The following ARHGAP18 variants were observed in gnomAD, a reference collection of about 807,000 sequenced individuals.
The protein encoded by ARHGAP18 is Rho GTPase activating protein 18, also known as rho GTPase-activating protein 18.
In ARHGAP18, 67 loss-of-function variants were observed where a neutral mutation model predicts 86.2. The observed-to-expected ratio is 0.78, with a 90% CI of 0.64 to 0.95. ARHGAP18 has a LOEUF of 0.95. Ranked by LOEUF, ARHGAP18 falls within the 40% of genes least tolerant of loss-of-function variation. ARHGAP18 has a pLI of 0.00. For synonymous variants in ARHGAP18, 283 were observed against 280.4 expected, an observed-to-expected ratio of 1.01 and a Z score of -0.09; for missense variants, 691 against 780.4, an observed-to-expected ratio of 0.89 and a Z score of 1.37.
chr6:129,650,914 T>G (rs545264275), intron 1 of ARHGAP18, among the ~76,000 whole-genome samples: 81 of 152,314 alleles, frequency 5.3e-4, no homozygotes, highest in African/African-American at 1.9e-3. Context: ...TAAGCTTGCT[T>G]CTGCAGCCTC....
At chr6:129,578,680 T>A in intron 14 of ARHGAP18, 76 bp from the exon 15 acceptor site, 1 of 1,231,140 alleles carries the variant, frequency 8.1e-7, no homozygotes, top group South Asian at 1.3e-5. Flanking sequence ...GCTTAATTAT[T>A]TAACTCTTAA....
At chr6:129,657,311 G>T (rs1292285620) in intron 1 of ARHGAP18, among the ~76,000 whole-genome samples, 2 of 151,808 alleles carry the variant, frequency 1.3e-5, no homozygotes, top group African/African-American at 2.4e-5. Context: ...AATAAAAGGG[G>T]ATAGTAACTA....
chr6:129,586,432 T>G (rs1009002133), intron 12 of ARHGAP18, among the ~76,000 whole-genome samples: 7 of 152,150 alleles, frequency 4.6e-5, no homozygotes, highest in Admixed American at 4.6e-4. Flanking sequence ...TATTATTTAC[T>G]ATTGTGGAGG....
Position 129,607,879 on chromosome 6 carries a change from G to A in ARHGAP18, c.1282+14C>T. 6.3e-7 allele frequency: 1 copy of A among 1,575,576 alleles called. No individual in the cohort carries two copies. Among genetic ancestry groups the A allele is most frequent in the Middle Eastern group, 1.7e-4 (1 of 5,886 alleles). ...ACCAGCAGAAGGACTGCTTCAAAGA[G>A]GGATAGCACTTACTCTGGACAGCCT... On this transcript the variant is annotated intron_variant, in intron 9 of 14. Coordinates refer to ENST00000368149, the MANE Select transcript of ARHGAP18 (RefSeq NM_033515.3).
chr6:129,649,758 A>C (rs1385314064), intron 1 of ARHGAP18, among the ~76,000 whole-genome samples: 1 of 152,032 alleles, frequency 6.6e-6, no homozygotes, highest in East Asian at 1.9e-4. Flanking sequence ...AAAACTGAGA[A>C]GACAAGCCCA....
At chr6:129,689,055 T>A (rs141517324) in intron 1 of ARHGAP18, among the ~76,000 whole-genome samples, 1 of 152,186 alleles carries the variant, frequency 6.6e-6, no homozygotes. Context: ...CTCTTCTTTG[T>A]CTGGAATTTA....
intron 10 of ARHGAP18, among the ~76,000 whole-genome samples, chr6:129,604,909 A>G (rs866211249): frequency 2.6e-5 from 4 of 152,292 alleles, no homozygotes; most frequent in Middle Eastern, 3.4e-3. Context: ...ATGGGCATTA[A>G]AGAACTATCA....
At chr6:129,623,522 A>G (rs1789275827) in intron 5 of ARHGAP18, among the ~76,000 whole-genome samples, 1 of 152,200 alleles carries the variant, frequency 6.6e-6, no homozygotes, top group African/African-American at 2.4e-5. Context: ...GCTGTGAGGA[A>G]AAGGAAGTGA....
chr6:129,686,825 T>C (rs1447946198), intron 1 of ARHGAP18, among the ~76,000 whole-genome samples: 2 of 144,516 alleles, frequency 1.4e-5, no homozygotes, highest in East Asian at 4.1e-4. Flanking sequence ...AGTCTCGCTC[T>C]CGTGGCCCAG....
intron 1 of ARHGAP18, among the ~76,000 whole-genome samples, chr6:129,709,060 C>T (rs556897338): frequency 2.0e-5 from 3 of 152,226 alleles, no homozygotes; most frequent in Non-Finnish European, 2.9e-5. Context: ...AAATGAAAGG[C>T]AGCATTATTT....
At chr6:129,601,117 G>A (rs182559261) in intron 10 of ARHGAP18, among the ~76,000 whole-genome samples, 1 of 152,308 alleles carries the variant, frequency 6.6e-6, no homozygotes, top group Admixed American at 6.5e-5. Flanking sequence ...GAGGAGTGGG[G>A]AAGTGTCAGA....
At chr6:129,594,593 G>T (rs1023152137) in intron 12 of ARHGAP18, among the ~76,000 whole-genome samples, 21 of 151,958 alleles carry the variant, frequency 1.4e-4, no homozygotes, top group Non-Finnish European at 2.1e-4. Context: ...TGAAATTCAG[G>T]CCCCTGTAGC....
chr6:129,614,593 AATCC>A (rs1789053928), intron 7 of ARHGAP18, among the ~76,000 whole-genome samples: 1 of 152,228 alleles, frequency 6.6e-6, no homozygotes, highest in Admixed American at 6.5e-5. Flanking sequence ...GACTGGATGC[AATCC>A]TCAGCCGGAT....
intron 1 of ARHGAP18, among the ~76,000 whole-genome samples, chr6:129,697,436 G>C (rs1430520234): frequency 1.2e-5 from 1 of 84,864 alleles, no homozygotes; most frequent in Admixed American, 1.5e-4. Flanking sequence ...CCATCCTGCA[G>C]ATGGGATTTT....
chr6:129,682,259 T>C (rs1774337163), intron 1 of ARHGAP18, among the ~76,000 whole-genome samples: 1 of 152,024 alleles, frequency 6.6e-6, no homozygotes, highest in African/African-American at 2.4e-5. Context: ...CATGCCAGGG[T>C]CACAGAAGAA....
intron 1 of ARHGAP18, among the ~76,000 whole-genome samples, chr6:129,645,786 T>A (rs1773566638): frequency 6.6e-6 from 1 of 152,150 alleles, no homozygotes; most frequent in Admixed American, 6.5e-5. Flanking sequence ...AACACTCACA[T>A]CACAAGCAAA....
chr6:129,616,925 T>A (rs1267470070), intron 6 of ARHGAP18, among the ~76,000 whole-genome samples: 2 of 152,308 alleles, frequency 1.3e-5, no homozygotes, highest in East Asian at 1.9e-4. Flanking sequence ...CACTGCACTG[T>A]AGCCTCAGTG....
intron 1 of ARHGAP18, among the ~76,000 whole-genome samples, chr6:129,646,106 T>C (rs968371727): frequency 2.0e-5 from 3 of 152,170 alleles, no homozygotes; most frequent in African/African-American, 2.4e-5. Flanking sequence ...AGCTAGAAGA[T>C]TGATGATTTA....
chr6:129,591,609 T>G (rs1788515282), intron 12 of ARHGAP18, among the ~76,000 whole-genome samples: 1 of 152,214 alleles, frequency 6.6e-6, no homozygotes, highest in Non-Finnish European at 1.5e-5. Context: ...ATTTTAGCAT[T>G]TTTTCATAAG....
Sources: gnomAD v4.1 joint callset for allele counts (sites outside exome capture counted in the v4.1 genomes callset) on GRCh38, gnomAD v4.1.1 for gene constraint, MANE v1.5 for transcripts, NCBI Gene and HGNC (gene_info 2026-07-23, HGNC 2026-07-21) for gene names.